PTPRE: variants seen among roughly 807,000 people sequenced by gnomAD.
PTPRE encodes receptor-type tyrosine-protein phosphatase epsilon.
A neutral mutation model predicts 102.0 loss-of-function variants in PTPRE; 51 were observed. That is an observed-to-expected ratio of 0.50 (90% confidence interval 0.40 to 0.63). The LOEUF is 0.63. Among genes scored for constraint, PTPRE ranks in the 30% least tolerant of loss-of-function variants. The pLI is 0.00. For synonymous variants in PTPRE, 345 were observed against 348.2 expected (o/e 0.99, Z 0.10); for missense variants, 752 against 915.1 (o/e 0.82, Z 2.30).
chr10:127,912,226 C>T (rs1414762927), intron 1 of PTPRE, among the ~76,000 whole-genome samples: 2 of 152,198 alleles, frequency 1.3e-5, no homozygotes, highest in African/African-American at 4.8e-5. Context: ...GTGGGCCCCA[C>T]ATCTTTCTTT....
intron 2 of PTPRE, among the ~76,000 whole-genome samples, chr10:128,011,711 C>T (rs907328941): frequency 6.6e-6 from 1 of 152,222 alleles, no homozygotes; most frequent in African/African-American, 2.4e-5. Flanking sequence ...TCTATCTGTC[C>T]TGTTGGGCTG....
intron 10 of PTPRE, among the ~76,000 whole-genome samples, chr10:128,063,640 G>A (rs962501830): frequency 1.3e-5 from 2 of 152,194 alleles, no homozygotes; most frequent in African/African-American, 2.4e-5. Flanking sequence ...TTAATTAGCT[G>A]TTTCTAATTC....
intron 16 of PTPRE, among the ~76,000 whole-genome samples, chr10:128,073,067 A>G (rs941352750): frequency 2.6e-5 from 4 of 152,220 alleles, no homozygotes; most frequent in Non-Finnish European, 4.4e-5. Flanking sequence ...GGTGCTGTTC[A>G]GGTGGCCACA....
intron 5 of PTPRE, 24 bp from the exon 6 acceptor site, chr10:128,049,506 C>G (rs1245741485): frequency 6.2e-7 from 1 of 1,612,208 alleles, no homozygotes; most frequent in Admixed American, 1.7e-5. Flanking sequence ...CTAAATGGCC[C>G]CCATGTTTCT....
At chr10:127,986,566 T>C (rs72847307) in intron 2 of PTPRE, among the ~76,000 whole-genome samples, 13,988 of 152,296 alleles carry the variant, frequency 0.092, 881 homozygotes, top group Non-Finnish European at 0.13. Flanking sequence ...AATTTTAAAA[T>C]GTACTTAGGC....
At chr10:128,022,758 C>G (rs376143348) in intron 2 of PTPRE, among the ~76,000 whole-genome samples, 4 of 152,170 alleles carry the variant, frequency 2.6e-5, no homozygotes, top group African/African-American at 9.7e-5. Context: ...GCTTCCCAGG[C>G]GGGCACAGGG....
At chr10:128,023,452 A>G (rs1316698869) in intron 2 of PTPRE, among the ~76,000 whole-genome samples, 1 of 152,210 alleles carries the variant, frequency 6.6e-6, no homozygotes, top group African/African-American at 2.4e-5. Context: ...GTAGAGTACA[A>G]GATACTTTGA....
At position 128,049,987 on chromosome 10, in the gene PTPRE, C is replaced by T. The variant is rs560959235; in HGVS notation, c.420+321C>T. On this transcript the variant is annotated intron_variant, in intron 6 of 20. Transcript: ENST00000254667. ...ATAACACAGAAGGCTAGGACCTGAG[C>T]GCGGCACGGTATGACAATATCATGG... Among the ~76,000 whole-genome samples the T allele has an allele frequency of 4.3e-4, 65 of 152,292 alleles. No homozygotes were observed. The South Asian group carries it at 0.012, about 29-fold the overall frequency.
chr10:127,908,032 G>C (rs1009234084), intron 1 of PTPRE, among the ~76,000 whole-genome samples: 2 of 152,216 alleles, frequency 1.3e-5, no homozygotes, highest in African/African-American at 4.8e-5. Context: ...CCACAGGATG[G>C]GGAGGCAGAG....
intron 1 of PTPRE, among the ~76,000 whole-genome samples, chr10:127,980,344 T>C (rs1246594217): frequency 1.3e-5 from 2 of 152,066 alleles, no homozygotes; most frequent in Non-Finnish European, 2.9e-5. Context: ...AATCCTTTTT[T>C]TTTTTTTTGT....
At chr10:127,940,326 T>A (rs998012138) in intron 1 of PTPRE, among the ~76,000 whole-genome samples, 1 of 152,132 alleles carries the variant, frequency 6.6e-6, no homozygotes, top group Non-Finnish European at 1.5e-5. Context: ...CCTAGCCCAG[T>A]GAATGAGGGT....
At chr10:128,016,775 C>T (rs1490945443) in intron 2 of PTPRE, among the ~76,000 whole-genome samples, 1 of 152,212 alleles carries the variant, frequency 6.6e-6, no homozygotes, top group Admixed American at 6.5e-5. Flanking sequence ...TATGACTTGC[C>T]TTTTCACACA....
intron 2 of PTPRE, among the ~76,000 whole-genome samples, chr10:127,989,083 A>G (rs1248325921): frequency 6.6e-6 from 1 of 152,166 alleles, no homozygotes; most frequent in Non-Finnish European, 1.5e-5. Context: ...TATTTAACTG[A>G]TTTCAAACAA....
intron 2 of PTPRE, among the ~76,000 whole-genome samples, chr10:128,024,086 T>G (rs770271226): frequency 1.8e-4 from 27 of 152,242 alleles, no homozygotes; most frequent in Non-Finnish European, 3.4e-4. Flanking sequence ...CATTGTACAT[T>G]GTTCTCAAAT....
At chr10:128,021,357 G>A (rs747120862) in intron 2 of PTPRE, among the ~76,000 whole-genome samples, 6 of 152,150 alleles carry the variant, frequency 3.9e-5, no homozygotes, top group East Asian at 3.8e-4. Flanking sequence ...TGTGCTCCCC[G>A]ACCTCCTGCG....
chr10:128,049,476 T>G lies in PTPRE; in HGVS notation c.284-54T>G, dbSNP rs190506735. On this transcript the variant is annotated intron_variant, in intron 5 of 20. Coordinates refer to ENST00000254667, the MANE Select transcript of PTPRE (RefSeq NM_006504.6). ...GTCGTTGGTCAGCTTGGTTACTCAG[T>G]CGCCTATCCAGGAATGTGGCTAAAT... 5.9e-5 allele frequency: 94 copies of G among 1,596,178 alleles called. No homozygotes were observed. The East Asian group carries it at 2.0e-3, about 33-fold the overall frequency.
chr10:127,993,228 G>C (rs1028213059), intron 2 of PTPRE, among the ~76,000 whole-genome samples: 1 of 152,204 alleles, frequency 6.6e-6, no homozygotes, highest in Non-Finnish European at 1.5e-5. Flanking sequence ...CTAAGACGTG[G>C]TTAGAAGGAA....
At chr10:127,909,623 A>G (rs1845730469) in intron 1 of PTPRE, among the ~76,000 whole-genome samples, 1 of 152,092 alleles carries the variant, frequency 6.6e-6, no homozygotes, top group Non-Finnish European at 1.5e-5. Flanking sequence ...GTCTTTATCC[A>G]TCCAATTCCA....
intron 1 of PTPRE, among the ~76,000 whole-genome samples, chr10:127,946,010 G>A (rs568587127): frequency 6.6e-6 from 1 of 152,122 alleles, no homozygotes; most frequent in Non-Finnish European, 1.5e-5. Context: ...GCATTGGTGT[G>A]TGGCTGCATC....
Sources: allele counts gnomAD v4.1 joint callset (sites outside exome capture counted in the v4.1 genomes callset), GRCh38; gene constraint gnomAD v4.1.1; transcripts MANE v1.5; gene names NCBI Gene and HGNC (gene_info 2026-07-23, HGNC 2026-07-21).